The following CDC42EP5 variants were observed in gnomAD, a reference collection of about 807,000 sequenced individuals.
The protein encoded by CDC42EP5 is CDC42 effector protein 5, also known as CDC42 effector protein (Rho GTPase binding) 5.
For missense variants in CDC42EP5, 269 were observed against 238.0 expected, an observed-to-expected ratio of 1.13 and a Z score of -0.86; for synonymous variants, 118 against 123.3, an observed-to-expected ratio of 0.96 and a Z score of 0.28.
chr19:54,469,411 C>A (rs1385389647), intron 2 of CDC42EP5, among the ~76,000 whole-genome samples: 3 of 152,144 alleles, frequency 2.0e-5, no homozygotes, highest in Non-Finnish European at 4.4e-5. Flanking sequence ...GCTAACAGAG[C>A]CTATGATCTC....
At chr19:54,470,293 G>A (rs2064114537) in intron 2 of CDC42EP5, among the ~76,000 whole-genome samples, 2 of 151,998 alleles carry the variant, frequency 1.3e-5, no homozygotes, top group South Asian at 4.1e-4. Context: ...GATCCCTTGA[G>A]CCCAGGAGTT....
chr19:54,466,429 G>C (rs577470507), intron 2 of CDC42EP5, among the ~76,000 whole-genome samples: 1 of 152,160 alleles, frequency 6.6e-6, no homozygotes, highest in Non-Finnish European at 1.5e-5. Context: ...GGCAACAGGA[G>C]TGAAACCCTG....
rs2084733700 is a variant in CDC42EP5, at chr19:54,465,334, G to A, written c.214C>T (p.Pro72Ser). The part of the protein sequence containing the change: ...APPAGAPRSP[P>S]PPAVPQSAAP... Reference sequence around the variant, plus strand: ...GCGGACTGCGGGACGGCGGGCGGCGGCGGGGAGCGCGGGGCCCCCGCGGGG... The same window carrying A: ...GCGGACTGCGGGACGGCGGGCGGCGACGGGGAGCGCGGGGCCCCCGCGGGG... Residue 72 changes from proline to serine, a missense_variant, in exon 3 of 3, where the codon CCG (proline) becomes TCG (serine). Physicochemically the swap from Pro to Ser is moderately conservative, Grantham distance 74. Transcript: ENST00000301200. 1 of 1,170,052 alleles carries A rather than the reference G, an allele frequency of 8.5e-7. No homozygotes were observed. Among genetic ancestry groups the A allele is most frequent in the East Asian group, 3.8e-5 (1 of 26,500 alleles). 72.5% of individuals were successfully genotyped at this position (1,170,052 alleles called of 1,614,324 possible). A position where few individuals can be genotyped will look rare whatever the true frequency, so the allele number is the denominator to read the frequency against.
At chr19:54,469,152 G>A (rs1600053840) in intron 2 of CDC42EP5, among the ~76,000 whole-genome samples, 1 of 151,202 alleles carries the variant, frequency 6.6e-6, no homozygotes, top group Non-Finnish European at 1.5e-5. Flanking sequence ...ACACCACCAT[G>A]CTTGGCTAAT....
chr19:54,465,362 C>T lies in CDC42EP5; in HGVS notation c.186G>A (p.Ala62=). 1 of 1,155,674 alleles carries T rather than the reference C, an allele frequency of 8.7e-7. No individual in the cohort carries two copies. The highest frequency in any genetic ancestry group is 1.1e-6 in the Non-Finnish European group (1 of 939,006). 71.6% of individuals were successfully genotyped at this position (1,155,674 alleles called of 1,614,324 possible). A position where few individuals can be genotyped will look rare whatever the true frequency, so the allele number is the denominator to read the frequency against. Residue 62 remains alanine (A), a synonymous_variant, in exon 3 of 3, where the codon GCG becomes GCA. Coordinates refer to ENST00000301200, the MANE Select transcript of CDC42EP5 (RefSeq NM_145057.4). Reference sequence around the variant, plus strand: ...GGGAGCGCGGGGCCCCCGCGGGGGGCGCCCGGGGCTCGGGGGGCGGCCCGC... The same window carrying T: ...GGGAGCGCGGGGCCCCCGCGGGGGGTGCCCGGGGCTCGGGGGGCGGCCCGC... ...HGGGPPPEPR[A]PPAGAPRSPP...
Position 54,465,362 on chromosome 19 carries a change from CGCCCGGG to C in CDC42EP5, c.179_185del (p.Pro60ArgfsTer81), listed in dbSNP as rs2084735844. ...GGGAGCGCGGGGCCCCCGCGGGGGG[CGCCCGGG>C]GCTCGGGGGGCGGCCCGCCGCCGTG... On this transcript the variant is annotated frameshift_variant, in exon 3 of 3. Transcript: ENST00000301200. LOFTEE classifies it low-confidence loss of function (END_TRUNC). 8.7e-7 allele frequency: 1 copy of C among 1,155,574 alleles called. No individual in the cohort carries two copies. Among genetic ancestry groups the C allele is most frequent in the African/African-American group, 1.6e-5 (1 of 60,888 alleles). 71.6% of individuals were successfully genotyped at this position (1,155,574 alleles called of 1,614,324 possible).
chr19:54,470,227 C>G (rs1387930828), intron 2 of CDC42EP5, among the ~76,000 whole-genome samples: 1 of 151,980 alleles, frequency 6.6e-6, no homozygotes, highest in East Asian at 1.9e-4. Flanking sequence ...AAAAAATTAG[C>G]CAGGTGCTGT....
chr19:54,465,449 C>A lies in CDC42EP5; in HGVS notation c.99G>T (p.Thr33=). The A allele has an allele frequency of 1.3e-6, 2 of 1,513,888 alleles. No individual in the cohort carries two copies. The highest frequency in any genetic ancestry group is 2.1e-5 in the Admixed American group (1 of 47,014). The allele number at this position is 1,513,888 out of a possible 1,614,324, so 93.8% of individuals were successfully genotyped here. A position where few individuals can be genotyped will look rare whatever the true frequency, so the allele number is the denominator to read the frequency against. The change falls in exon 3 of 3, where the codon ACG becomes ACT. Residue 33 remains threonine, a synonymous_variant. Coordinates refer to ENST00000301200, the MANE Select transcript of CDC42EP5 (RefSeq NM_145057.4). ...CGTCGCCGCCGCGCCCCACGTGCAGCGTGTGCCGGAAGTCGCCGAGCGGCG... is the reference window on the plus strand; with the variant it reads ...CGTCGCCGCCGCGCCCCACGTGCAGAGTGTGCCGGAAGTCGCCGAGCGGCG... The part of the protein sequence containing the change: ...ISAPLGDFRH[T]LHVGRGGDAF...
At position 54,465,627 on chromosome 19, in the gene CDC42EP5, C is replaced by T. The variant is rs915369901; in HGVS notation, c.1-80G>A. ...CGACTGCTCAAAGGACGATGGGGGA[C>T]GGTTCCCGTTTTTTGTTTTTTGATT... On this transcript the variant is annotated intron_variant, in intron 2 of 2. Transcript: ENST00000301200. 33 of 1,324,976 alleles carry T rather than the reference C, an allele frequency of 2.5e-5. No homozygotes were observed. The African/African-American group carries it at 3.9e-4, about 16-fold the overall frequency. The allele number at this position is 1,324,976 out of a possible 1,614,324, so 82.1% of individuals were successfully genotyped here.
At chr19:54,469,388 AT>A (rs2084805463) in intron 2 of CDC42EP5, among the ~76,000 whole-genome samples, 1 of 151,784 alleles carries the variant, frequency 6.6e-6, no homozygotes, top group Non-Finnish European at 1.5e-5. Flanking sequence ...TAAAAAAAAA[AT>A]CCTCTCTAGC....
chr19:54,470,592 C>T (rs1025630320), intron 2 of CDC42EP5, among the ~76,000 whole-genome samples: 2 of 152,120 alleles, frequency 1.3e-5, no homozygotes, highest in Admixed American at 6.5e-5. Flanking sequence ...AAAGACTACA[C>T]TGAGGGTGCC....
intron 2 of CDC42EP5, among the ~76,000 whole-genome samples, chr19:54,471,231 C>T (rs2084831750): frequency 6.6e-6 from 1 of 152,088 alleles, no homozygotes; most frequent in Non-Finnish European, 1.5e-5. Flanking sequence ...CTCCGCCCAC[C>T]CCTCTCTTTC....
At chr19:54,471,490 CGGCCCTTTTCCCT>C (rs1208395202) in intron 2 of CDC42EP5, 42 bp downstream of exon 2, 1 of 151,984 alleles carries the variant, frequency 6.6e-6, no homozygotes, top group Non-Finnish European at 1.5e-5. Flanking sequence ...GGGAATTCAG[CGGCCCTTTTCCCT>C]CCCGACCGGG....
rs2084837195 is a variant in CDC42EP5 at position 54,471,569 on chromosome 19, G to A, written c.-25C>T. On this transcript the variant is annotated 5_prime_UTR_variant, in exon 2 of 3. Transcript: ENST00000301200. The stretch of plus-strand genomic sequence containing the variant: ...CCTCGCGGTCCTCCCAGAGCGGGGC[G>A]GGCGCGCGCTCACGACTCCAGCTCT... 1 of 152,030 alleles carries A rather than the reference G, an allele frequency of 6.6e-6. No individual in the cohort carries two copies. Among genetic ancestry groups the A allele is most frequent in the Admixed American group, 6.5e-5 (1 of 15,276 alleles). The allele number at this position is 152,030 out of a possible 1,614,324, so 9.4% of individuals were successfully genotyped here.
chr19:54,465,552 G>T lies in CDC42EP5; in HGVS notation c.1-5C>A. 6.6e-7 allele frequency: 1 copy of T among 1,519,152 alleles called. No individual in the cohort carries two copies. Among genetic ancestry groups the T allele is most frequent in the Admixed American group, 2.1e-5 (1 of 47,894 alleles). 94.1% of individuals were successfully genotyped at this position (1,519,152 alleles called of 1,614,324 possible). Reference sequence around the variant, plus strand: ...CAGCTGCTTCAGCACGGGCATCTGCGAGGGGCACGGGAGGGTCAGCGCGGC... The same window carrying T: ...CAGCTGCTTCAGCACGGGCATCTGCTAGGGGCACGGGAGGGTCAGCGCGGC... On this transcript the variant is annotated splice_polypyrimidine_tract_variant and splice_region_variant and intron_variant, in intron 2 of 2. Coordinates refer to ENST00000301200, the MANE Select transcript of CDC42EP5 (RefSeq NM_145057.4).
intron 1 of CDC42EP5, among the ~76,000 whole-genome samples, chr19:54,472,093 A>G (rs1191605961): frequency 4.6e-4 from 1 of 2,178 alleles, no homozygotes; most frequent in Non-Finnish European, 9.2e-4. Context: ...AGGAGTCCAG[A>G]CCCCCAGCCC....
Position 54,465,169 on chromosome 19 carries a change from TC to T in CDC42EP5, c.378del (p.Thr127ArgfsTer16). 7.1e-7 allele frequency: 1 copy of T among 1,413,934 alleles called. No homozygotes were observed. The highest frequency in any genetic ancestry group is 1.5e-5 in the South Asian group (1 of 65,706). The allele number at this position is 1,413,934 out of a possible 1,614,324, so 87.6% of individuals were successfully genotyped here. ...CGGCAGCGGGCCTGGGGGGGCTGCG[TC>T]CCGGGGCGGGGTTCCGCGTCGGGCT... The part of the protein sequence containing the change: ...AAKPDAEPRP[G>X]TQPPQARCRP... On this transcript the variant is annotated frameshift_variant, in exon 3 of 3. Coordinates refer to ENST00000301200, the MANE Select transcript of CDC42EP5 (RefSeq NM_145057.4). LOFTEE classifies it high-confidence loss of function.
At chr19:54,465,582 G>GGCT in intron 2 of CDC42EP5, 35 bp from the exon 3 acceptor site, 5 of 1,425,934 alleles carry the variant, frequency 3.5e-6, no homozygotes, top group Non-Finnish European at 4.5e-6. Context: ...CGCGGCCCCA[G>GGCT]CCCGGGGCTC....
rs150839818 is a variant in CDC42EP5, at chr19:54,465,157, G to A, written c.391C>T (p.Gln131Ter). The A allele has an allele frequency of 2.8e-6, 4 of 1,408,578 alleles. No individual in the cohort carries two copies. The highest frequency in any genetic ancestry group is 3.7e-6 in the Non-Finnish European group (4 of 1,088,952). The allele number at this position is 1,408,578 out of a possible 1,614,324, so 87.3% of individuals were successfully genotyped here. ...TCCGCGTTGGGGCGGCAGCGGGCCT[G>A]GGGGGGCTGCGTCCCGGGGCGGGGT... ...AEPRPGTQPPQARCRPNADLE... is the reference protein window; with the variant it reads ...AEPRPGTQPP Residue 131 changes from glutamine to a stop codon, truncating the protein, a stop_gained, in exon 3 of 3, where the codon CAG becomes TAG. Transcript: ENST00000301200. LOFTEE classifies it high-confidence loss of function.
Sources: gnomAD v4.1 joint callset for allele counts (sites outside exome capture counted in the v4.1 genomes callset) on GRCh38, gnomAD v4.1.1 for gene constraint, MANE v1.5 for transcripts, NCBI Gene and HGNC (gene_info 2026-07-23, HGNC 2026-07-21) for gene names.